LRP1B: variants seen among roughly 807,000 people sequenced by gnomAD.
LRP1B encodes low-density lipoprotein receptor-related protein 1B.
In LRP1B, 217 loss-of-function variants were observed where a neutral mutation model predicts 556.6. The ratio of observed to expected loss-of-function variants is 0.39; its 90% CI spans 0.35 to 0.44. The LOEUF (loss-of-function observed/expected upper bound fraction) is 0.44, where lower values mean the gene tolerates loss of function less well. LRP1B is among the 20% of genes least tolerant of loss of function. The probability of loss-of-function intolerance (pLI) is 1.00; values close to 1 mark genes in which losing one functional copy is unlikely to be tolerated. For synonymous variants in LRP1B, 2,047 were observed against 1,865.8 expected (o/e 1.10, Z -2.50); for missense variants, 5,053 against 5,620.8 (o/e 0.90, Z 3.23).
chr2:141,876,324 G>A (rs1248579285), intron 1 of LRP1B, among the ~76,000 whole-genome samples: 2 of 151,894 alleles, frequency 1.3e-5, no homozygotes, highest in African/African-American at 4.8e-5. Context: ...GACCAAAAGG[G>A]CAAATATCTT....
rs141529317 is a variant in LRP1B, at chr2:140,399,147, A to G, written c.10415-13138T>C. Among the ~76,000 whole-genome samples the G allele has an allele frequency of 1.1e-3, 159 of 151,322 alleles. 3 individuals are homozygous for G. Among genetic ancestry groups the G allele is most frequent in the African/African-American group, 3.6e-3 (146 of 41,112 alleles). On this transcript the variant is annotated intron_variant, in intron 66 of 90. Coordinates refer to ENST00000389484, the MANE Select transcript of LRP1B (RefSeq NM_018557.3). ...CTAAAACTTAGTGCCTTATTACTTA[A>G]AAAGAGAAGACCAAGATACACACAC... is the stretch of plus-strand genomic sequence containing the variant.
chr2:140,673,384 AACAT>A (rs1169991998), intron 41 of LRP1B, among the ~76,000 whole-genome samples: 12 of 152,182 alleles, frequency 7.9e-5, no homozygotes, highest in African/African-American at 2.9e-4. Flanking sequence ...AGTTTTCAAT[AACAT>A]ATTCATTTCT....
chr2:141,096,634 GAGAGA>G (rs1700320040), intron 7 of LRP1B, among the ~76,000 whole-genome samples: 1 of 45,822 alleles, frequency 2.2e-5, no homozygotes, highest in Non-Finnish European at 4.6e-5. Context: ...GAGGGGGAGA[GAGAGA>G]GAGAGAGAGA....
At chr2:142,015,905 T>C (rs1467784802) in intron 1 of LRP1B, among the ~76,000 whole-genome samples, 1 of 142,366 alleles carries the variant, frequency 7.0e-6, no homozygotes, top group Admixed American at 7.4e-5. Flanking sequence ...GGCAGAAGAA[T>C]GGCGATAGCC....
At chr2:140,354,982 C>G (rs1682144650) in intron 75 of LRP1B, among the ~76,000 whole-genome samples, 1 of 151,806 alleles carries the variant, frequency 6.6e-6, no homozygotes, top group South Asian at 2.1e-4. Flanking sequence ...TTCTTTGACA[C>G]TGAAATAGAA....
chr2:141,385,103 T>A (rs1689781830), intron 3 of LRP1B, among the ~76,000 whole-genome samples: 1 of 152,168 alleles, frequency 6.6e-6, no homozygotes, highest in Admixed American at 6.5e-5. Context: ...GCTGAATTTT[T>A]GTACGCCACT....
intron 2 of LRP1B, among the ~76,000 whole-genome samples, chr2:141,576,649 G>A (rs1686758483): frequency 6.6e-6 from 1 of 151,264 alleles, no homozygotes; most frequent in Admixed American, 6.6e-5. Flanking sequence ...AGTTAGTTGA[G>A]AGGCTGAGGA....
At chr2:140,329,668 C>T (rs1680691813) in intron 79 of LRP1B, among the ~76,000 whole-genome samples, 1 of 151,822 alleles carries the variant, frequency 6.6e-6, no homozygotes, top group Non-Finnish European at 1.5e-5. Context: ...CAATAAAATA[C>T]TTAGAAATAC....
At chr2:140,639,957 C>A (rs1684216207) in intron 41 of LRP1B, among the ~76,000 whole-genome samples, 1 of 152,088 alleles carries the variant, frequency 6.6e-6, no homozygotes, top group African/African-American at 2.4e-5. Flanking sequence ...CCCCAGCTTT[C>A]CTTAAACCCT....
chr2:140,451,642 A>C (rs1686890650), intron 62 of LRP1B, among the ~76,000 whole-genome samples: 1 of 152,142 alleles, frequency 6.6e-6, no homozygotes, highest in Non-Finnish European at 1.5e-5. Flanking sequence ...AATTTTAAGA[A>C]TATCTCTTTA....
intron 9 of LRP1B, among the ~76,000 whole-genome samples, chr2:141,056,058 G>T (rs1699171646): frequency 6.6e-6 from 1 of 151,816 alleles, no homozygotes; most frequent in South Asian, 2.1e-4. Flanking sequence ...CCACTTGTTT[G>T]AAATGGTGAT....
At chr2:140,818,248 C>T (rs1373994980) in intron 31 of LRP1B, among the ~76,000 whole-genome samples, 1 of 152,130 alleles carries the variant, frequency 6.6e-6, no homozygotes, top group East Asian at 1.9e-4. Flanking sequence ...GGCCTCTACA[C>T]AGGTATAATA....
chr2:140,589,294 A>C lies in LRP1B; in HGVS notation c.7194+9337T>G, dbSNP rs1371401716. Among the ~76,000 whole-genome samples the C allele has an allele frequency of 3.9e-5, 6 of 152,306 alleles. No homozygotes were observed. In the South Asian group the frequency reaches 8.3e-4, roughly 21 times the overall value. On this transcript the variant is annotated intron_variant, in intron 43 of 90. Coordinates refer to ENST00000389484, the MANE Select transcript of LRP1B (RefSeq NM_018557.3). ...GAAAATATTTACAAACCACATAGCC[A>C]ACAAAAAAGTATCATCTAGAATATA... is the stretch of plus-strand genomic sequence containing the variant.
intron 7 of LRP1B, among the ~76,000 whole-genome samples, chr2:141,075,206 C>G (rs1453026307): frequency 6.6e-6 from 1 of 151,776 alleles, no homozygotes; most frequent in Non-Finnish European, 1.5e-5. Flanking sequence ...TAGTTATGCA[C>G]TAATGTAGAA....
chr2:141,618,525 T>C (rs1457427142), intron 2 of LRP1B, among the ~76,000 whole-genome samples: 1 of 152,198 alleles, frequency 6.6e-6, no homozygotes, highest in Non-Finnish European at 1.5e-5. Flanking sequence ...AGCATTACTT[T>C]GAGAAAAATA....
intron 2 of LRP1B, among the ~76,000 whole-genome samples, chr2:141,659,767 G>C (rs952956287): frequency 6.6e-6 from 1 of 152,094 alleles, no homozygotes; most frequent in Non-Finnish European, 1.5e-5. Flanking sequence ...TTACCTTTCT[G>C]AGTTTCTTTT....
At position 140,356,401 on chromosome 2, in the gene LRP1B, G is replaced by C. The variant is rs1044561882; in HGVS notation, c.11471C>G (p.Ser3824Cys). The change falls in exon 75 of 91, where the codon TCT becomes TGT. Residue 3824 changes from serine to cysteine, a missense_variant. Transcript: ENST00000389484. ...TCCAGGCTTACAGCGACAGAAAACAGATGTTTTTATTTGATTACAATATGC... is the reference window on the plus strand; with the variant it reads ...TCCAGGCTTACAGCGACAGAAAACACATGTTTTTATTTGATTACAATATGC... ...DDAYCNQIKT[S>C]VFCRCKPGFQ... 2.5e-6 allele frequency: 4 copies of C among 1,610,400 alleles called. No homozygotes were observed. The highest frequency in any genetic ancestry group is 1.7e-4 in the Middle Eastern group (1 of 6,036).
At chr2:140,698,230 G>A (rs1296277871) in intron 41 of LRP1B, among the ~76,000 whole-genome samples, 1 of 151,812 alleles carries the variant, frequency 6.6e-6, no homozygotes, top group Non-Finnish European at 1.5e-5. Flanking sequence ...TTTTCTGAAT[G>A]CTTAGCCCAG....
At chr2:140,357,957 G>C (rs1682310503) in intron 74 of LRP1B, 22 bp downstream of exon 74, 17 of 1,599,796 alleles carry the variant, frequency 1.1e-5, no homozygotes, top group Non-Finnish European at 1.5e-5. Context: ...CCGGTGCTTT[G>C]CTTAACAGAA....
Sources: gnomAD v4.1 joint callset for allele counts (sites outside exome capture counted in the v4.1 genomes callset) on GRCh38, gnomAD v4.1.1 for gene constraint, MANE v1.5 for transcripts, NCBI Gene and HGNC (gene_info 2026-07-23, HGNC 2026-07-21) for gene names.